Variants in ARHGAP42 observed in about 807,000 individuals in gnomAD.
ARHGAP42 encodes the protein Rho GTPase activating protein 42, also known as rho GTPase-activating protein 42.
Under a neutral mutation model 125.0 loss-of-function variants are expected in ARHGAP42, and 63 were observed. The ratio of observed to expected loss-of-function variants is 0.50; its 90% CI spans 0.41 to 0.62. The LOEUF is 0.62. ARHGAP42 is among the 20% of genes least tolerant of loss of function. The probability of loss-of-function intolerance (pLI) is 0.00; values close to 1 mark genes in which losing one functional copy is unlikely to be tolerated. For synonymous variants in ARHGAP42, 339 were observed against 351.0 expected, an observed-to-expected ratio of 0.97 and a Z score of 0.38; for missense variants, 766 against 1,024.2, an observed-to-expected ratio of 0.75 and a Z score of 3.44.
Position 100,754,343 on chromosome 11 carries a change from A to G in ARHGAP42, c.155-16000A>G, listed in dbSNP as rs143596272. On this transcript the variant is annotated intron_variant, in intron 1 of 23. Coordinates refer to ENST00000298815, the MANE Select transcript of ARHGAP42 (RefSeq NM_152432.4). Reference sequence around the variant, plus strand: ...TAAGGCCCTGAGCAATGACCTAGAAATCAGACATACTTGAAATATTTAGTA... The same window carrying G: ...TAAGGCCCTGAGCAATGACCTAGAAGTCAGACATACTTGAAATATTTAGTA... Among the ~76,000 whole-genome samples the G allele has an allele frequency of 3.8e-3, 580 of 152,334 alleles. 3 individuals are homozygous for G. Among genetic ancestry groups the G allele is most frequent in the African/African-American group, 0.013 (552 of 41,580 alleles).
rs17095993 is a variant in ARHGAP42 at position 100,962,398 on chromosome 11, C to T, written c.1386-11C>T. 1.5e-3 allele frequency: 2,283 copies of T among 1,548,902 alleles called. 40 individuals carry two copies. The African/African-American group carries it at 0.027, about 18-fold the overall frequency. On this transcript the variant is annotated splice_polypyrimidine_tract_variant and intron_variant, in intron 15 of 23. Coordinates refer to ENST00000298815, the MANE Select transcript of ARHGAP42 (RefSeq NM_152432.4). ...TACTATTCTAACATGTGTTTCCTTT[C>T]TCTGTTGTAGGTGCCTTGCAGAACC...
intron 1 of ARHGAP42, among the ~76,000 whole-genome samples, chr11:100,693,944 T>C (rs1382303910): frequency 6.6e-6 from 1 of 152,052 alleles, no homozygotes; most frequent in Non-Finnish European, 1.5e-5. Context: ...TTCTTTCTTT[T>C]TTTTTTTTGA....
intron 2 of ARHGAP42, among the ~76,000 whole-genome samples, chr11:100,782,507 A>G (rs1272148018): frequency 6.6e-6 from 1 of 152,226 alleles, no homozygotes; most frequent in Non-Finnish European, 1.5e-5. Flanking sequence ...TTGGCAAAAA[A>G]GTAAGGACAA....
At chr11:100,987,400 A>T in intron 22 of ARHGAP42, 113 bp from the exon 23 acceptor site, 1 of 843,532 alleles carries the variant, frequency 1.2e-6, no homozygotes, top group Non-Finnish European at 1.9e-6. Context: ...CACTTTATGT[A>T]CATTATGTTC....
intron 1 of ARHGAP42, among the ~76,000 whole-genome samples, chr11:100,698,636 G>C (rs549495747): frequency 1.3e-5 from 2 of 152,116 alleles, no homozygotes; most frequent in Non-Finnish European, 2.9e-5. Flanking sequence ...AGCCCAGATC[G>C]TGCCATTGTA....
At chr11:100,843,821 G>C (rs542584864) in intron 3 of ARHGAP42, among the ~76,000 whole-genome samples, 1 of 151,968 alleles carries the variant, frequency 6.6e-6, no homozygotes, top group Admixed American at 6.6e-5. Context: ...ATGGAAACAC[G>C]TCCCATGCTC....
intron 16 of ARHGAP42, among the ~76,000 whole-genome samples, chr11:100,964,806 A>G (rs1332685737): frequency 6.6e-6 from 1 of 152,158 alleles, no homozygotes; most frequent in East Asian, 1.9e-4. Flanking sequence ...TAATAATGCT[A>G]ACATTTCAGA....
chr11:100,989,069 C>T lies in ARHGAP42; in HGVS notation c.*268C>T, dbSNP rs576245577. 4.2e-5 allele frequency: 19 copies of T among 455,256 alleles called. No individual in the cohort carries two copies. The South Asian group carries it at 7.0e-4, about 17-fold the overall frequency. 28.2% of individuals were successfully genotyped at this position (455,256 alleles called of 1,614,324 possible). The stretch of plus-strand genomic sequence containing the variant: ...GATAATATGTAACTCTCCACAATGT[C>T]GCTTCCGTAGCAATTGTAGAGTTTC... On this transcript the variant is annotated 3_prime_UTR_variant, in exon 24 of 24. Coordinates refer to ENST00000298815, the MANE Select transcript of ARHGAP42 (RefSeq NM_152432.4).
In ARHGAP42 at chr11:100,763,489, TA is replaced by T. The variant is rs1329424744; in HGVS notation, c.155-6849del. ...TGAGCATACATTTCCTTTGTCTTTTTAAAAATTTATTTATTTGAGACAGAGT... is the reference window on the plus strand; with the variant it reads ...TGAGCATACATTTCCTTTGTCTTTTTAAAATTTATTTATTTGAGACAGAGT... On this transcript the variant is annotated intron_variant, in intron 1 of 23. Transcript: ENST00000298815. Among the ~76,000 whole-genome samples the T allele has an allele frequency of 2.3e-4, 35 of 152,152 alleles. 1 individual carries two copies.
intron 2 of ARHGAP42, among the ~76,000 whole-genome samples, chr11:100,776,490 C>A (rs539300622): frequency 6.6e-6 from 1 of 152,174 alleles, no homozygotes; most frequent in African/African-American, 2.4e-5. Flanking sequence ...AGGCAATACA[C>A]TACCATTTGT....
intron 1 of ARHGAP42, among the ~76,000 whole-genome samples, chr11:100,754,036 A>AT (rs1260335528): frequency 6.6e-6 from 1 of 152,210 alleles, no homozygotes; most frequent in African/African-American, 2.4e-5. Context: ...CTAATCTGCT[A>AT]TTTTGGCCAC....
intron 2 of ARHGAP42, among the ~76,000 whole-genome samples, chr11:100,771,061 C>T (rs1388293434): frequency 1.6e-5 from 1 of 61,172 alleles, no homozygotes; most frequent in Non-Finnish European, 3.4e-5. Flanking sequence ...AAAAAATTAT[C>T]TTCCTTTTTT....
chr11:100,785,269 CAG>C (rs958127338), intron 2 of ARHGAP42, among the ~76,000 whole-genome samples: 1 of 152,170 alleles, frequency 6.6e-6, no homozygotes, highest in African/African-American at 2.4e-5. Flanking sequence ...CAGTGCTGAT[CAG>C]AGAGTCTTGA....
chr11:100,778,728 C>A (rs2097854698), intron 2 of ARHGAP42, among the ~76,000 whole-genome samples: 2 of 152,050 alleles, frequency 1.3e-5, no homozygotes, highest in African/African-American at 4.8e-5. Flanking sequence ...TATTTTGAAG[C>A]ACTTTATTTG....
At position 100,936,241 on chromosome 11, in the gene ARHGAP42, G is replaced by A; in HGVS notation, c.741G>A (p.Glu247=). ...TTGAAAGTACTCGACAAGAGGTAGA[G>A]CGGTTGATGCAAAGGATGAAATCTG... The part of the protein sequence containing the change: ...NNFESTRQEV[E]RLMQRMKSAN... Residue 247 remains glutamate (E), a synonymous_variant, in exon 8 of 24, where the codon GAG becomes GAA. Transcript: ENST00000298815. The A allele has an allele frequency of 1.3e-6, 2 of 1,551,782 alleles. No individual in the cohort carries two copies. Among genetic ancestry groups the A allele is most frequent in the Non-Finnish European group, 1.7e-6 (2 of 1,146,956 alleles).
At chr11:100,980,485 T>C (rs1817876742) in intron 22 of ARHGAP42, among the ~76,000 whole-genome samples, 1 of 147,534 alleles carries the variant, frequency 6.8e-6, no homozygotes. Flanking sequence ...ATGGATGAAG[T>C]AAATCAGAAA....
rs956353119 is a variant in ARHGAP42 at position 100,805,874 on chromosome 11, A to G, written c.312+10708A>G. 2.0e-5 allele frequency among the ~76,000 whole-genome samples: 3 copies of G among 152,174 alleles called. No individual in the cohort carries two copies. In the South Asian group the frequency reaches 6.2e-4, roughly 31 times the overall value. The stretch of plus-strand genomic sequence containing the variant: ...ATGACCAGAGGTCCCTTTTGATGCC[A>G]TCTTGGTATTGGTGGGTTTTGGCTG... On this transcript the variant is annotated intron_variant, in intron 3 of 23. Transcript: ENST00000298815.
chr11:100,819,760 C>T (rs1304939130), intron 3 of ARHGAP42, among the ~76,000 whole-genome samples: 1 of 152,060 alleles, frequency 6.6e-6, no homozygotes, highest in East Asian at 1.9e-4. Context: ...TAAATAAAAT[C>T]AAATTATTAG....
intron 2 of ARHGAP42, among the ~76,000 whole-genome samples, chr11:100,790,069 C>T (rs749510844): frequency 1.3e-5 from 2 of 152,162 alleles, no homozygotes; most frequent in African/African-American, 2.4e-5. Flanking sequence ...GTTATGTCAA[C>T]AATGAACACA....
Sources: allele counts gnomAD v4.1 joint callset (sites outside exome capture counted in the v4.1 genomes callset), GRCh38; gene constraint gnomAD v4.1.1; transcripts MANE v1.5; gene names NCBI Gene and HGNC (gene_info 2026-07-23, HGNC 2026-07-21).